Variants in LRP8 observed in about 807,000 individuals in gnomAD.
LRP8 encodes the protein LDL receptor related protein 8.
A neutral mutation model predicts 111.6 loss-of-function variants in LRP8; 46 were observed. The ratio of observed to expected loss-of-function variants is 0.41; its 90% CI spans 0.33 to 0.53. The LOEUF (loss-of-function observed/expected upper bound fraction) is 0.53, where lower values mean the gene tolerates loss of function less well. Among genes scored for constraint, LRP8 ranks in the 20% least tolerant of loss-of-function variants. The pLI is 0.20. For synonymous variants in LRP8, 464 were observed against 511.2 expected (o/e 0.91, Z 1.24); for missense variants, 959 against 1,297.4 (o/e 0.74, Z 4.01).
intron 9 of LRP8, among the ~76,000 whole-genome samples, chr1:53,265,953 C>G (rs1646537632): frequency 6.6e-6 from 1 of 152,244 alleles, no homozygotes; most frequent in African/African-American, 2.4e-5. Flanking sequence ...GCGTCAAAGA[C>G]AGTGAAAAGC....
At chr1:53,271,194 G>C (rs1427388659) in intron 7 of LRP8, 33 bp downstream of exon 7, 1 of 1,613,936 alleles carries the variant, frequency 6.2e-7, no homozygotes, top group South Asian at 1.1e-5. Flanking sequence ...AGGAGGATCT[G>C]CTTCTGCTTG....
At chr1:53,315,223 G>A (rs1653635668) in intron 2 of LRP8, among the ~76,000 whole-genome samples, 1 of 152,152 alleles carries the variant, frequency 6.6e-6, no homozygotes, top group Non-Finnish European at 1.5e-5. Flanking sequence ...ACAGCCTGGA[G>A]CGGCAGGGGA....
In LRP8 at chr1:53,271,032, A is replaced by G; in HGVS notation, c.1248T>C (p.Ala416=). 4 of 1,613,790 alleles carry G rather than the reference A, an allele frequency of 2.5e-6. No homozygotes were observed. In the South Asian group the frequency reaches 4.4e-5, roughly 18 times the overall value. The stretch of plus-strand genomic sequence containing the variant: ...CTGCCCTTGGGGTGTTCATACCAGC[A>G]GCCTTGCAGTTCTTGGTCAGTAGGT... The part of the protein sequence containing the change: ...EMDLLTKNCK[A]AAGKSPSLIF... Residue 416 remains alanine, a synonymous_variant, in exon 8 of 19, where the codon GCT becomes GCC. Coordinates refer to ENST00000306052, the MANE Select transcript of LRP8 (RefSeq NM_004631.5).
At chr1:53,254,871 G>A (rs1646023018) in intron 16 of LRP8, among the ~76,000 whole-genome samples, 1 of 152,178 alleles carries the variant, frequency 6.6e-6, no homozygotes, top group Admixed American at 6.5e-5. Flanking sequence ...TAGCTGGAGT[G>A]TAGAGTGTGA....
intron 3 of LRP8, among the ~76,000 whole-genome samples, chr1:53,281,309 A>G (rs1647102418): frequency 6.6e-6 from 1 of 152,252 alleles, no homozygotes; most frequent in Non-Finnish European, 1.5e-5. Context: ...TAATTACTGC[A>G]GCCGCAATCA....
At chr1:53,247,761 C>G (rs540108068) in intron 18 of LRP8, among the ~76,000 whole-genome samples, 1 of 152,352 alleles carries the variant, frequency 6.6e-6, no homozygotes, top group African/African-American at 2.4e-5. Flanking sequence ...GATTCCATCT[C>G]AGACTCAGAG....
intron 2 of LRP8, among the ~76,000 whole-genome samples, chr1:53,310,440 G>A (rs1345003719): frequency 6.6e-6 from 1 of 152,204 alleles, no homozygotes; most frequent in Non-Finnish European, 1.5e-5. Flanking sequence ...AATGGGGGAT[G>A]AGAACTACCT....
chr1:53,292,646 C>T (rs1381052391), intron 2 of LRP8, among the ~76,000 whole-genome samples: 2 of 152,230 alleles, frequency 1.3e-5, no homozygotes, highest in East Asian at 1.9e-4. Flanking sequence ...CTCTTTTTCT[C>T]GTTCTAACAC....
chr1:53,318,190 C>T (rs558765662), intron 2 of LRP8, among the ~76,000 whole-genome samples: 20 of 152,074 alleles, frequency 1.3e-4, no homozygotes, highest in African/African-American at 4.3e-4. Flanking sequence ...GAGGAGATGC[C>T]TTCTACCAAT....
intron 10 of LRP8, among the ~76,000 whole-genome samples, chr1:53,263,547 G>A (rs1646427955): frequency 6.6e-6 from 1 of 152,170 alleles, no homozygotes; most frequent in Non-Finnish European, 1.5e-5. Flanking sequence ...ACTGAGGGGT[G>A]GCCAGAGCAG....
chr1:53,316,768 C>A (rs1223750578), intron 2 of LRP8, among the ~76,000 whole-genome samples: 1 of 152,224 alleles, frequency 6.6e-6, no homozygotes, highest in Non-Finnish European at 1.5e-5. Context: ...AAGGTGGGAG[C>A]AGAGGAGGAA....
At chr1:53,326,733 C>T in intron 2 of LRP8, 140 bp downstream of exon 2, 1 of 1,371,522 alleles carries the variant, frequency 7.3e-7, no homozygotes, top group Non-Finnish European at 9.7e-7. Flanking sequence ...GGTGCCCAGG[C>T]GGTTTCCCGG....
chr1:53,322,606 C>T (rs565276732), intron 2 of LRP8, among the ~76,000 whole-genome samples: 2 of 152,278 alleles, frequency 1.3e-5, no homozygotes, highest in South Asian at 4.2e-4. Context: ...GGAGTCTACA[C>T]TGACTTTATT....
At chr1:53,318,800 T>A (rs182285509) in intron 2 of LRP8, among the ~76,000 whole-genome samples, 258 of 148,252 alleles carry the variant, frequency 1.7e-3, no homozygotes, top group African/African-American at 6.5e-3. Context: ...AAAAAAAAAA[T>A]ACATATGTTC....
chr1:53,310,539 G>A (rs1388055016), intron 2 of LRP8, among the ~76,000 whole-genome samples: 2 of 152,212 alleles, frequency 1.3e-5, no homozygotes, highest in Admixed American at 1.3e-4. Flanking sequence ...ACAACCCAGA[G>A]GTTAGTGCAG....
intron 15 of LRP8, among the ~76,000 whole-genome samples, chr1:53,256,074 T>C (rs1291172256): frequency 1.3e-5 from 2 of 152,222 alleles, no homozygotes; most frequent in African/African-American, 4.8e-5. Flanking sequence ...TATAACCATC[T>C]TCATTGTAAC....
chr1:53,277,632 G>A (rs1406086581), intron 4 of LRP8, among the ~76,000 whole-genome samples: 2 of 152,244 alleles, frequency 1.3e-5, no homozygotes, highest in East Asian at 3.9e-4. Flanking sequence ...CCACCTCCAA[G>A]CCTTTACTCA....
Position 53,277,052 on chromosome 1 carries a change from C to A in LRP8, c.523G>T (p.Gly175Cys). Residue 175 changes from glycine (G) to cysteine (C), a missense_variant, in exon 5 of 19, where the codon GGC (glycine) becomes TGC (cysteine). Around this residue, in one of 3 missense-constraint regions of LRP8, gnomAD observed 819 missense variants for 1,097.6 expected, o/e 0.75. Transcript: ENST00000306052. ...ACGGCGGCCAGGCACGAGCGGTTGCCGCACTGGAACTCGTGCGGGGCGCAC... is the reference window on the plus strand; with the variant it reads ...ACGGCGGCCAGGCACGAGCGGTTGCAGCACTGGAACTCGTGCGGGGCGCAC... ...TLCAPHEFQCGNRSCLAAVFV... is the reference protein window; with the variant it reads ...TLCAPHEFQCCNRSCLAAVFV... The A allele has an allele frequency of 6.6e-7, 1 of 1,523,424 alleles. No homozygotes were observed. The allele number at this position is 1,523,424 out of a possible 1,614,324, so 94.4% of individuals were successfully genotyped here.
chr1:53,280,183 C>G (rs1261275435), intron 4 of LRP8, among the ~76,000 whole-genome samples: 1 of 152,190 alleles, frequency 6.6e-6, no homozygotes, highest in Non-Finnish European at 1.5e-5. Flanking sequence ...CTCCACGCAG[C>G]ACCCTCCCTG....
Sources: gnomAD v4.1 joint callset for allele counts (sites outside exome capture counted in the v4.1 genomes callset) on GRCh38, gnomAD v4.1.1 for gene constraint, gnomAD v4.1.1 regional missense constraint, MANE v1.5 for transcripts, NCBI Gene and HGNC (gene_info 2026-07-23, HGNC 2026-07-21) for gene names.